DNAH11: variants seen among roughly 807,000 people sequenced by gnomAD.
DNAH11 encodes axonemal beta dynein heavy chain 11.
In DNAH11, 442 loss-of-function variants were observed where a neutral mutation model predicts 526.0. The observed-to-expected ratio is 0.84, with a 90% CI of 0.78 to 0.91. The LOEUF is 0.91. Ranked by LOEUF, DNAH11 falls within the 40% of genes least tolerant of loss-of-function variation. The pLI, the probability that DNAH11 is intolerant of heterozygous loss-of-function variation, is 0.00. For synonymous variants in DNAH11, 2,461 were observed against 1,935.9 expected (o/e 1.27, Z -7.12); for missense variants, 6,989 against 5,448.7 (o/e 1.28, Z -8.90).
At chr7:21,641,648 G>A (rs1787135320) in intron 28 of DNAH11, among the ~76,000 whole-genome samples, 1 of 152,194 alleles carries the variant, frequency 6.6e-6, no homozygotes. Flanking sequence ...CACAGTCTGT[G>A]CATCTCTGAT....
Position 21,792,739 on chromosome 7 carries a change from A to G in DNAH11, c.10026+3397A>G, listed in dbSNP as rs573748169. ...ATATTTCTGTGGTATCCGTTGTTAT[A>G]TATCCATTTTCATTTATTTTTTTAT... On this transcript the variant is annotated intron_variant, in intron 61 of 81. Transcript: ENST00000409508. 1.1e-4 allele frequency among the ~76,000 whole-genome samples: 17 copies of G among 152,084 alleles called. No homozygotes were observed. The South Asian group carries it at 3.5e-3, about 32-fold the overall frequency.
intron 65 of DNAH11, among the ~76,000 whole-genome samples, chr7:21,833,072 A>G (rs545433252): frequency 2.6e-5 from 4 of 152,216 alleles, no homozygotes. Context: ...ATAGTTCCCA[A>G]TCCCATGACA....
At chr7:21,891,296 G>T (rs1784318148) in intron 76 of DNAH11, among the ~76,000 whole-genome samples, 1 of 152,154 alleles carries the variant, frequency 6.6e-6, no homozygotes. Flanking sequence ...AACTGACTCA[G>T]AAAATCTAGG....
At chr7:21,843,633 A>G (rs1053469585) in intron 66 of DNAH11, among the ~76,000 whole-genome samples, 2 of 151,990 alleles carry the variant, frequency 1.3e-5, no homozygotes, top group African/African-American at 4.8e-5. Context: ...GGCATGCACC[A>G]CCACGCCCAG....
chr7:21,827,171 A>G (rs569256210), intron 65 of DNAH11, among the ~76,000 whole-genome samples: 139 of 152,370 alleles, frequency 9.1e-4, no homozygotes, highest in African/African-American at 3.1e-3. Context: ...TACCACTGTC[A>G]TAAAATGGCC....
intron 39 of DNAH11, among the ~76,000 whole-genome samples, chr7:21,705,795 C>T (rs1195055309): frequency 6.6e-6 from 1 of 152,150 alleles, no homozygotes; most frequent in African/African-American, 2.4e-5. Flanking sequence ...GAAGATTGAA[C>T]TTTCCACGTG....
chr7:21,796,431 G>A (rs902569365), intron 61 of DNAH11, among the ~76,000 whole-genome samples: 1 of 152,180 alleles, frequency 6.6e-6, no homozygotes, highest in Non-Finnish European at 1.5e-5. Context: ...ACTGGAAGCA[G>A]AATGAACATG....
chr7:21,655,828 T>G lies in DNAH11; in HGVS notation c.4945-4T>G, dbSNP rs763392194. On this transcript the variant is annotated splice_region_variant and splice_polypyrimidine_tract_variant and intron_variant, in intron 28 of 81. Transcript: ENST00000409508. ...TCTTATCTTTTCTAATATTCTCATT[T>G]TAGGTAACATGTCACCTTGCCAAAC... 1 of 1,611,442 alleles carries G rather than the reference T, an allele frequency of 6.2e-7. No homozygotes were observed. The highest frequency in any genetic ancestry group is 8.5e-7 in the Non-Finnish European group (1 of 1,178,334).
rs778176102 is a variant in DNAH11, at chr7:21,619,101, T to A, written c.4256T>A (p.Val1419Asp). ...HWHQLMKAIG[V>D]KFLINEATTL... Reference sequence around the variant, plus strand: ...TCTAACTTTTTTTCCCCCAATCAGGTCAAGTTTTTAATAAATGAAGCCACA... The same window carrying A: ...TCTAACTTTTTTTCCCCCAATCAGGACAAGTTTTTAATAAATGAAGCCACA... The change falls in exon 24 of 82, where the codon GTC (valine) becomes GAC (aspartate). Residue 1419 changes from valine to aspartate, a missense_variant and splice_region_variant. Transcript: ENST00000409508. 3 of 1,613,370 alleles carry A rather than the reference T, an allele frequency of 1.9e-6. No homozygotes were observed. The East Asian group carries it at 6.7e-5, about 36-fold the overall frequency.
Position 21,638,981 on chromosome 7 carries a change from C to A in DNAH11, c.4860C>A (p.Thr1620=), listed in dbSNP as rs771484145. The stretch of plus-strand genomic sequence containing the variant: ...AAGCTCTCGCTGAATACCTGGAAAC[C>A]AAGCGCATAGCCTTTCCTCGCTTCT... The part of the protein sequence containing the change: ...CEKALAEYLE[T]KRIAFPRFYF... The change falls in exon 28 of 82, where the codon ACC becomes ACA. Residue 1620 remains threonine, a synonymous_variant. Transcript: ENST00000409508. 2 of 1,613,020 alleles carry A rather than the reference C, an allele frequency of 1.2e-6. No homozygotes were observed. Among genetic ancestry groups the A allele is most frequent in the Non-Finnish European group, 1.7e-6 (2 of 1,179,626 alleles).
At chr7:21,562,805 C>T (rs1783520333) in intron 5 of DNAH11, among the ~76,000 whole-genome samples, 1 of 152,046 alleles carries the variant, frequency 6.6e-6, no homozygotes, top group Non-Finnish European at 1.5e-5. Context: ...AATTCCTGAA[C>T]ATTCTTTTTA....
chr7:21,756,978 T>G (rs1162556292), intron 54 of DNAH11, among the ~76,000 whole-genome samples: 1 of 152,206 alleles, frequency 6.6e-6, no homozygotes, highest in Non-Finnish European at 1.5e-5. Context: ...TTCTCAATAT[T>G]TTACAGCATT....
intron 3 of DNAH11, 149 bp downstream of exon 3, chr7:21,559,147 G>T: frequency 1.7e-6 from 1 of 602,224 alleles, no homozygotes; most frequent in Non-Finnish European, 2.8e-6. Context: ...AGCATAGTGA[G>T]ATCTCATCTC....
intron 81 of DNAH11, among the ~76,000 whole-genome samples, chr7:21,900,692 T>TGAACTG (rs1784761007): frequency 6.6e-6 from 1 of 152,138 alleles, no homozygotes; most frequent in South Asian, 2.1e-4. Context: ...GGAAATGTGG[T>TGAACTG]GAACTGGAGA....
chr7:21,809,040 T>C (rs915715855), intron 63 of DNAH11, among the ~76,000 whole-genome samples: 2 of 152,194 alleles, frequency 1.3e-5, no homozygotes, highest in African/African-American at 4.8e-5. Flanking sequence ...CTCACCAGCA[T>C]TTGATATTTC....
At chr7:21,545,460 C>A (rs1438226122) in intron 2 of DNAH11, among the ~76,000 whole-genome samples, 1 of 152,036 alleles carries the variant, frequency 6.6e-6, no homozygotes, top group South Asian at 2.1e-4. Context: ...AAATAAAAAG[C>A]AACTTGAATA....
rs1782427552 is a variant in DNAH11, at chr7:21,846,524, C to T, written c.10896+3776C>T. On this transcript the variant is annotated intron_variant, in intron 66 of 81. Transcript: ENST00000409508. ...TAGCTTGTTATATATCATTACTTCACTTTTGAACCAGACTTGCATACCTGG... is the reference window on the plus strand; with the variant it reads ...TAGCTTGTTATATATCATTACTTCATTTTTGAACCAGACTTGCATACCTGG... Among the ~76,000 whole-genome samples, 3 of 152,140 alleles carry T rather than the reference C, an allele frequency of 2.0e-5. 1 individual carries two copies. The highest frequency in any genetic ancestry group is 2.0e-4 in the Admixed American group (3 of 15,272).
intron 7 of DNAH11, 90 bp from the exon 8 acceptor site, chr7:21,571,716 T>C: frequency 5.1e-6 from 5 of 978,874 alleles, no homozygotes; most frequent in Non-Finnish European, 7.1e-6. Flanking sequence ...CTCATTGATT[T>C]TGAACATTTG....
chr7:21,809,530 A>G (rs1445629807), intron 63 of DNAH11, among the ~76,000 whole-genome samples: 5 of 151,606 alleles, frequency 3.3e-5, no homozygotes, highest in Admixed American at 3.3e-4. Context: ...TTTTGATTTG[A>G]TTTTTGGTTT....
Sources: allele counts gnomAD v4.1 joint callset (sites outside exome capture counted in the v4.1 genomes callset), GRCh38; gene constraint gnomAD v4.1.1; transcripts MANE v1.5; gene names NCBI Gene and HGNC (gene_info 2026-07-23, HGNC 2026-07-21).